BAZ2B: variants seen among roughly 807,000 people sequenced by gnomAD.
The protein encoded by BAZ2B is bromodomain adjacent to zinc finger domain 2B.
BAZ2B carries 91 observed loss-of-function variants against 246.0 expected under a neutral mutation model. The observed-to-expected ratio is 0.37, with a 90% CI of 0.31 to 0.44. The LOEUF (loss-of-function observed/expected upper bound fraction) is 0.44. Among genes scored for constraint, BAZ2B ranks in the 20% least tolerant of loss-of-function variants. BAZ2B has a pLI of 1.00. For synonymous variants in BAZ2B, 855 were observed against 860.0 expected (o/e 0.99, Z 0.10); for missense variants, 2,332 against 2,533.7 (o/e 0.92, Z 1.71).
In BAZ2B at chr2:159,349,174, C is replaced by T. The variant is rs1007674541; in HGVS notation, c.4970G>A (p.Gly1657Glu). ...FTSSVPSLGS[G>E]LGLSEGNGNS... Reference sequence around the variant, plus strand: ...ACCATTTCCTTCTGATAACCCTAACCCCGATCCTAGACTAGGTACAGATGA... The same window carrying T: ...ACCATTTCCTTCTGATAACCCTAACTCCGATCCTAGACTAGGTACAGATGA... Residue 1657 changes from glycine to glutamate, a missense_variant, in exon 29 of 37, where the codon GGG (glycine) becomes GAG (glutamate). Gly to Glu is a moderately conservative substitution (Grantham distance 98, BLOSUM62 -2). This residue lies in a region of BAZ2B where 676 missense variants were observed against 668.6 expected (regional missense o/e 1.01). Coordinates refer to ENST00000392783, the MANE Select transcript of BAZ2B (RefSeq NM_013450.4). 5.6e-6 allele frequency: 9 copies of T among 1,614,046 alleles called. No individual in the cohort carries two copies. Among genetic ancestry groups the T allele is most frequent in the Non-Finnish European group, 7.6e-6 (9 of 1,179,976 alleles).
chr2:159,373,239 A>T, intron 26 of BAZ2B, 50 bp from the exon 27 acceptor site: 1 of 1,517,662 alleles, frequency 6.6e-7, no homozygotes, highest in East Asian at 2.3e-5. Context: ...TAAATGCTTT[A>T]AAAATTAATA....
chr2:159,547,395 T>G (rs1014782148), intron 2 of BAZ2B, among the ~76,000 whole-genome samples: 1 of 152,192 alleles, frequency 6.6e-6, no homozygotes, highest in Admixed American at 6.5e-5. Flanking sequence ...TTTGTCAAAA[T>G]TCTTTCTCCT....
At chr2:159,476,410 C>G (rs1203692878) in intron 3 of BAZ2B, among the ~76,000 whole-genome samples, 3 of 152,062 alleles carry the variant, frequency 2.0e-5, no homozygotes, top group African/African-American at 7.2e-5. Flanking sequence ...CTCTTTTTTA[C>G]TAGTAGCAAA....
chr2:159,576,836 C>G (rs917494483), intron 1 of BAZ2B, among the ~76,000 whole-genome samples: 4 of 145,660 alleles, frequency 2.7e-5, no homozygotes, highest in Non-Finnish European at 5.9e-5. Flanking sequence ...TCGCTTGAAC[C>G]CAGGAGGCAG....
chr2:159,486,758 G>A (rs1477799818), intron 2 of BAZ2B, among the ~76,000 whole-genome samples: 2 of 151,598 alleles, frequency 1.3e-5, no homozygotes, highest in African/African-American at 4.8e-5. Flanking sequence ...CACTATAATG[G>A]CAAAAGACTT....
chr2:159,542,617 A>G (rs2086795383), intron 2 of BAZ2B, among the ~76,000 whole-genome samples: 1 of 152,138 alleles, frequency 6.6e-6, no homozygotes. Context: ...AGCCCAGGCA[A>G]GAGAGTAAGA....
chr2:159,689,981 T>C, the BAZ2B span: 2 of 379,562 alleles, frequency 5.3e-6, no homozygotes, highest in Non-Finnish European at 9.8e-6. Flanking sequence ...CTGCCATTTT[T>C]TGACCATAGA....
chr2:159,656,422 A>G, the BAZ2B span, among the ~76,000 whole-genome samples: 3 of 152,236 alleles, frequency 2.0e-5, no homozygotes, highest in East Asian at 5.8e-4. Flanking sequence ...ACATGTATCT[A>G]CCATTATTGT....
At chr2:159,616,176 G>A (rs1283473880) in intron 1 of BAZ2B, 66 bp downstream of exon 1, 2 of 152,228 alleles carry the variant, frequency 1.3e-5, no homozygotes, top group African/African-American at 4.8e-5. Flanking sequence ...TGTTTCCACC[G>A]GCTTTGTAAC....
rs866648664 is a variant in BAZ2B at position 159,560,586 on chromosome 2, T to C, written c.-45-4721A>G. On this transcript the variant is annotated intron_variant, in intron 1 of 36. Transcript: ENST00000392783. ...TTATAAAGCAACTTTTTTTTTTTTT[T>C]CGAGACAGAGTCTTGCTCTGTCACC... 3.8e-4 allele frequency among the ~76,000 whole-genome samples: 57 copies of C among 151,840 alleles called. 1 individual carries two copies. Among genetic ancestry groups the C allele is most frequent in the Non-Finnish European group, 6.2e-4 (42 of 67,988 alleles).
chr2:159,623,406 AAAGAAATGCCCAAGGGCATTTAAGGGG>A, the BAZ2B span, among the ~76,000 whole-genome samples: 5 of 152,190 alleles, frequency 3.3e-5, no homozygotes, highest in African/African-American at 7.2e-5. Flanking sequence ...ACACACACAA[AAAGAAATGCCCAAGGGCATTTAAGGGG>A]AAGAAATGCC....
At chr2:159,344,133 A>G (rs1025921187) in intron 31 of BAZ2B, among the ~76,000 whole-genome samples, 1 of 152,172 alleles carries the variant, frequency 6.6e-6, no homozygotes, top group Non-Finnish European at 1.5e-5. Flanking sequence ...TAGTACAGCC[A>G]CTATGAAGAA....
the BAZ2B span, among the ~76,000 whole-genome samples, chr2:159,698,830 T>C: frequency 2.0e-5 from 3 of 152,214 alleles, no homozygotes; most frequent in Non-Finnish European, 2.9e-5. Context: ...CTAATAGTTA[T>C]AAATATTTCT....
intron 27 of BAZ2B, among the ~76,000 whole-genome samples, chr2:159,368,052 A>G (rs1243787281): frequency 6.6e-6 from 1 of 152,140 alleles, no homozygotes; most frequent in African/African-American, 2.4e-5. Context: ...ATACACTTGT[A>G]TGTTCTCTTT....
the BAZ2B span, among the ~76,000 whole-genome samples, chr2:159,667,592 T>C: frequency 5.8e-5 from 8 of 138,308 alleles, no homozygotes; most frequent in South Asian, 1.8e-3. Flanking sequence ...TGTGACTCTG[T>C]CTCAAAAATA....
At chr2:159,500,893 G>C (rs2081626423) in intron 2 of BAZ2B, among the ~76,000 whole-genome samples, 1 of 150,834 alleles carries the variant, frequency 6.6e-6, no homozygotes, top group Non-Finnish European at 1.5e-5. Flanking sequence ...GGCAGAGGTT[G>C]CAGTGAGCTG....
intron 2 of BAZ2B, among the ~76,000 whole-genome samples, chr2:159,495,571 A>G (rs2081022974): frequency 6.6e-6 from 1 of 151,114 alleles, no homozygotes; most frequent in African/African-American, 2.4e-5. Flanking sequence ...TTAGAATCCA[A>G]TATTAATTAT....
chr2:159,708,319 T>C, the BAZ2B span, among the ~76,000 whole-genome samples: 2 of 152,150 alleles, frequency 1.3e-5, no homozygotes, highest in South Asian at 2.1e-4. Flanking sequence ...ATAAAATGTA[T>C]CTGCTTTTCT....
At chr2:159,658,858 T>C in the BAZ2B span, among the ~76,000 whole-genome samples, 1 of 152,120 alleles carries the variant, frequency 6.6e-6, no homozygotes, top group African/African-American at 2.4e-5. Context: ...CTCCCTATGT[T>C]GCCTGGGCTG....
Sources: allele counts gnomAD v4.1 joint callset (sites outside exome capture counted in the v4.1 genomes callset), GRCh38; gene constraint gnomAD v4.1.1; regional missense constraint gnomAD v4.1.1; transcripts MANE v1.5; gene names NCBI Gene and HGNC (gene_info 2026-07-23, HGNC 2026-07-21).